The following CDH20 variants were observed in gnomAD, a reference collection of about 807,000 sequenced individuals.
CDH20 encodes cadherin 20.
CDH20 carries 29 observed loss-of-function variants against 74.2 expected under a neutral mutation model. The observed-to-expected ratio is 0.39, with a 90% CI of 0.29 to 0.53. The LOEUF is 0.53. Ranked by LOEUF, CDH20 falls within the 20% of genes least tolerant of loss-of-function variation. CDH20 has a pLI of 0.69. For missense variants in CDH20, 988 were observed against 1,048.3 expected (o/e 0.94, Z 0.79); for synonymous variants, 469 against 405.4 (o/e 1.16, Z -1.88).
chr18:61,370,674 T>C (rs144686163), intron 1 of CDH20, among the ~76,000 whole-genome samples: 171 of 152,200 alleles, frequency 1.1e-3, no homozygotes, highest in African/African-American at 3.9e-3. Context: ...CTCCGCAAAT[T>C]TCAAGTATAC....
intron 4 of CDH20, among the ~76,000 whole-genome samples, chr18:61,502,005 A>G (rs1471668139): frequency 6.6e-6 from 1 of 152,204 alleles, no homozygotes; most frequent in Non-Finnish European, 1.5e-5. Context: ...GTTATACTAC[A>G]ATGCAATATA....
At chr18:61,545,972 G>A (rs994041243) in intron 10 of CDH20, among the ~76,000 whole-genome samples, 45 of 152,054 alleles carry the variant, frequency 3.0e-4, no homozygotes, top group African/African-American at 1.0e-3. Flanking sequence ...TTTGGGCACA[G>A]ATGGGAAAAG....
At chr18:61,425,647 T>C (rs1243939290) in intron 1 of CDH20, among the ~76,000 whole-genome samples, 1 of 152,132 alleles carries the variant, frequency 6.6e-6, no homozygotes, top group East Asian at 1.9e-4. Context: ...AAGTGGGAGC[T>C]AAGCTATGAG....
intron 1 of CDH20, among the ~76,000 whole-genome samples, chr18:61,335,031 A>G (rs890974772): frequency 6.6e-6 from 1 of 152,088 alleles, no homozygotes; most frequent in African/African-American, 2.4e-5. Flanking sequence ...GGACTCAGCT[A>G]AGGAATTGGA....
chr18:61,491,674 G>T (rs11661892), intron 2 of CDH20, among the ~76,000 whole-genome samples: 26,207 of 152,036 alleles, frequency 0.17, 2,662 homozygotes, highest in South Asian at 0.43. Flanking sequence ...GTCTACCCAA[G>T]TTCTTTCCCC....
chr18:61,478,458 T>G (rs1362021726), intron 1 of CDH20, among the ~76,000 whole-genome samples: 1 of 152,128 alleles, frequency 6.6e-6, no homozygotes, highest in Non-Finnish European at 1.5e-5. Flanking sequence ...CTACCTTTGA[T>G]AAAGGTAGGG....
intron 6 of CDH20, among the ~76,000 whole-genome samples, chr18:61,521,486 C>T (rs1912205556): frequency 6.6e-6 from 1 of 151,212 alleles, no homozygotes; most frequent in Non-Finnish European, 1.5e-5. Context: ...CCGAATTCTA[C>T]CAGAGGTACA....
chr18:61,388,888 C>A (rs1382282835), intron 1 of CDH20, among the ~76,000 whole-genome samples: 1 of 152,136 alleles, frequency 6.6e-6, no homozygotes, highest in Non-Finnish European at 1.5e-5. Context: ...CCTTGTTTTC[C>A]CATCCGTGAA....
intron 1 of CDH20, among the ~76,000 whole-genome samples, chr18:61,393,893 C>T (rs917313962): frequency 4.6e-5 from 7 of 152,102 alleles, no homozygotes; most frequent in African/African-American, 1.7e-4. Context: ...CTGCAGCAGG[C>T]CACTTAACAT....
chr18:61,421,853 A>G (rs999092921), intron 1 of CDH20, among the ~76,000 whole-genome samples: 1 of 152,264 alleles, frequency 6.6e-6, no homozygotes, highest in South Asian at 2.1e-4. Flanking sequence ...ATTAATTCCA[A>G]TTCCACTGGA....
chr18:61,477,314 A>C (rs2144395958), intron 1 of CDH20, among the ~76,000 whole-genome samples: 1 of 152,352 alleles, frequency 6.6e-6, no homozygotes, highest in African/African-American at 2.4e-5. Flanking sequence ...CATAAAGGTA[A>C]CTGGGATCTG....
chr18:61,470,666 A>T (rs1910139180), intron 1 of CDH20, among the ~76,000 whole-genome samples: 1 of 152,244 alleles, frequency 6.6e-6, no homozygotes, highest in African/African-American at 2.4e-5. Context: ...GACAAAAACA[A>T]GAGGTGAACT....
At chr18:61,488,522 T>C (rs1019239821) in intron 1 of CDH20, among the ~76,000 whole-genome samples, 4 of 152,180 alleles carry the variant, frequency 2.6e-5, no homozygotes, top group African/African-American at 9.7e-5. Context: ...GGAGAATTAT[T>C]GGCCCTGCTT....
chr18:61,437,914 G>A (rs1338028152), intron 1 of CDH20, among the ~76,000 whole-genome samples: 1 of 151,990 alleles, frequency 6.6e-6, no homozygotes, highest in Non-Finnish European at 1.5e-5. Context: ...ATTAATACAG[G>A]GAATCTCGAA....
intron 1 of CDH20, among the ~76,000 whole-genome samples, chr18:61,450,749 G>T (rs567547374): frequency 6.6e-6 from 1 of 152,026 alleles, no homozygotes; most frequent in African/African-American, 2.4e-5. Context: ...AAAGCCTAAT[G>T]GTTTTGCTTT....
At chr18:61,362,160 C>A (rs139422800) in intron 1 of CDH20, among the ~76,000 whole-genome samples, 1 of 152,024 alleles carries the variant, frequency 6.6e-6, no homozygotes, top group African/African-American at 2.4e-5. Context: ...ACTTAAAAAG[C>A]GAAATTACAG....
chr18:61,374,624 T>C (rs1349207127), intron 1 of CDH20, among the ~76,000 whole-genome samples: 2 of 152,180 alleles, frequency 1.3e-5, no homozygotes, highest in East Asian at 3.9e-4. Context: ...AAAACTTATA[T>C]GAAATTTTTA....
intron 1 of CDH20, among the ~76,000 whole-genome samples, chr18:61,439,316 G>A (rs1309137620): frequency 6.6e-6 from 1 of 152,026 alleles, no homozygotes; most frequent in Non-Finnish European, 1.5e-5. Context: ...TTGACACTGA[G>A]ACACTAGTAT....
chr18:61,470,488 G>A (rs1052932486), intron 1 of CDH20, among the ~76,000 whole-genome samples: 1 of 152,104 alleles, frequency 6.6e-6, no homozygotes, highest in Non-Finnish European at 1.5e-5. Context: ...AGCCATCCAG[G>A]GTCCAGACAA....
Sources: gnomAD v4.1 joint callset for allele counts (sites outside exome capture counted in the v4.1 genomes callset) on GRCh38, gnomAD v4.1.1 for gene constraint, MANE v1.5 for transcripts, NCBI Gene and HGNC (gene_info 2026-07-23, HGNC 2026-07-21) for gene names.